The following CNTN5 variants were observed in gnomAD, a reference collection of about 807,000 sequenced individuals.
CNTN5 encodes the protein contactin 5, also known as contactin-5.
CNTN5 carries 77 observed loss-of-function variants against 129.1 expected under a neutral mutation model. That is an observed-to-expected ratio of 0.60 (90% CI 0.50 to 0.72). CNTN5 has a LOEUF of 0.72. CNTN5 is among the 30% of genes least tolerant of loss of function. CNTN5 has a pLI of 0.00. For missense variants in CNTN5, 1,478 were observed against 1,328.8 expected (o/e 1.11, Z -1.75); for synonymous variants, 509 against 465.6 (o/e 1.09, Z -1.20).
chr11:100,337,558 T>C lies in CNTN5; in HGVS notation c.2731-2905T>C, dbSNP rs1331921864. The C allele has an allele frequency of 8.1e-6, 6 of 744,286 alleles. No homozygotes were observed. In the East Asian group the frequency reaches 1.4e-4, roughly 17 times the overall value. The allele number at this position is 744,286 out of a possible 1,614,324, so 46.1% of individuals were successfully genotyped here. ...CCAGTCAAGCAAGCTGTGGATTTTC[T>C]GAGCAATGAGGGGCACGTCTATTCT... On this transcript the variant is annotated intron_variant, in intron 21 of 24. Coordinates refer to ENST00000524871, the MANE Select transcript of CNTN5 (RefSeq NM_014361.4).
At chr11:99,642,338 A>AG (rs1951800620) in intron 3 of CNTN5, among the ~76,000 whole-genome samples, 2 of 152,190 alleles carry the variant, frequency 1.3e-5, no homozygotes, top group South Asian at 4.1e-4. Flanking sequence ...CCTGTTTTTG[A>AG]AATTTTTAAT....
At chr11:100,293,362 T>G (rs1389971056) in intron 18 of CNTN5, among the ~76,000 whole-genome samples, 1 of 151,772 alleles carries the variant, frequency 6.6e-6, no homozygotes, top group Non-Finnish European at 1.5e-5. Flanking sequence ...TTGCCTAGAT[T>G]TCCAGATTGA....
intron 2 of CNTN5, among the ~76,000 whole-genome samples, chr11:99,464,475 T>C (rs1028217033): frequency 7.9e-5 from 12 of 152,290 alleles, no homozygotes; most frequent in African/African-American, 2.9e-4. Context: ...TAGTTTTAAA[T>C]ATATTTATAG....
At chr11:100,142,881 C>T (rs764999159) in intron 13 of CNTN5, among the ~76,000 whole-genome samples, 6 of 152,164 alleles carry the variant, frequency 3.9e-5, no homozygotes, top group Admixed American at 2.6e-4. Context: ...AGATTGTCCA[C>T]GTGGATGGCT....
chr11:100,331,760 G>A (rs1363106779), intron 21 of CNTN5, among the ~76,000 whole-genome samples: 4 of 151,910 alleles, frequency 2.6e-5, no homozygotes, highest in African/African-American at 9.7e-5. Context: ...AAATCAAGAT[G>A]GAAATTTAAA....
At chr11:99,464,775 A>G (rs1253942233) in intron 2 of CNTN5, among the ~76,000 whole-genome samples, 3 of 152,200 alleles carry the variant, frequency 2.0e-5, no homozygotes, top group Non-Finnish European at 4.4e-5. Context: ...AACAAATAAT[A>G]ACCTATAGGA....
chr11:100,324,793 C>T (rs1195884875), intron 21 of CNTN5, among the ~76,000 whole-genome samples: 2 of 152,126 alleles, frequency 1.3e-5, no homozygotes. Context: ...GTTTCTTCTG[C>T]ATTTTAAACT....
At chr11:99,644,079 A>T (rs1219582418) in intron 3 of CNTN5, among the ~76,000 whole-genome samples, 1 of 152,216 alleles carries the variant, frequency 6.6e-6, no homozygotes, top group Non-Finnish European at 1.5e-5. Context: ...TCACATATAA[A>T]GCTACTTACA....
chr11:99,807,802 A>T (rs1467194929), intron 3 of CNTN5, among the ~76,000 whole-genome samples: 3 of 152,232 alleles, frequency 2.0e-5, no homozygotes, highest in Non-Finnish European at 4.4e-5. Flanking sequence ...TCAAATGAAG[A>T]TAAATCCAAG....
chr11:100,255,744 T>C lies in CNTN5; in HGVS notation c.2006-16T>C. ...ATAATTTGTGCTTAACTTTATCCATTGCCTTTGACCTATAGGACCCCCAGG... is the reference window on the plus strand; with the variant it reads ...ATAATTTGTGCTTAACTTTATCCATCGCCTTTGACCTATAGGACCCCCAGG... On this transcript the variant is annotated splice_polypyrimidine_tract_variant and intron_variant, in intron 16 of 24. Coordinates refer to ENST00000524871, the MANE Select transcript of CNTN5 (RefSeq NM_014361.4). 6.2e-7 allele frequency: 1 copy of C among 1,609,512 alleles called. No homozygotes were observed. Among genetic ancestry groups the C allele is most frequent in the Non-Finnish European group, 8.5e-7 (1 of 1,176,934 alleles).
intron 3 of CNTN5, among the ~76,000 whole-genome samples, chr11:99,792,538 G>GGTGTGTGTGTGTGTGTGTGT (rs111267307): frequency 9.4e-5 from 12 of 127,834 alleles, no homozygotes; most frequent in Admixed American, 2.4e-4. Flanking sequence ...CCTGAAGAGG[G>GGTGTGTGTGTGTGTGTGTGT]GTGTGTGTGT....
At chr11:99,963,703 T>A (rs555042283) in intron 8 of CNTN5, among the ~76,000 whole-genome samples, 1 of 152,188 alleles carries the variant, frequency 6.6e-6, no homozygotes, top group Admixed American at 6.5e-5. Flanking sequence ...AGAAAGTAAT[T>A]AGTAGCTTGA....
At chr11:99,879,288 A>G (rs1948712675) in intron 6 of CNTN5, among the ~76,000 whole-genome samples, 1 of 152,148 alleles carries the variant, frequency 6.6e-6, no homozygotes, top group Non-Finnish European at 1.5e-5. Context: ...ACCTCACAAA[A>G]TCAAAGAGTA....
rs148344484 is a variant in CNTN5 at position 100,338,528 on chromosome 11, A to G, written c.2731-1935A>G. On this transcript the variant is annotated intron_variant, in intron 21 of 24. Coordinates refer to ENST00000524871, the MANE Select transcript of CNTN5 (RefSeq NM_014361.4). Reference sequence around the variant, plus strand: ...TCCACCACAGTAATTAAGTTGGGGGAAAAAAAAAGAATTACTCTCTTATGA... The same window carrying G: ...TCCACCACAGTAATTAAGTTGGGGGGAAAAAAAAGAATTACTCTCTTATGA... 9.2e-3 allele frequency among the ~76,000 whole-genome samples: 1,390 copies of G among 151,656 alleles called. 20 individuals carry two copies. Among genetic ancestry groups the G allele is most frequent in the African/African-American group, 0.032 (1,313 of 41,402 alleles).
intron 20 of CNTN5, among the ~76,000 whole-genome samples, chr11:100,304,084 C>T (rs1339199388): frequency 6.6e-6 from 1 of 151,530 alleles, no homozygotes; most frequent in Non-Finnish European, 1.5e-5. Context: ...ATGAAGAACT[C>T]CAGCTGCTAG....
chr11:99,115,968 G>C (rs1301036823), intron 1 of CNTN5, among the ~76,000 whole-genome samples: 1 of 152,074 alleles, frequency 6.6e-6, no homozygotes, highest in African/African-American at 2.4e-5. Context: ...GAGGTTTGGT[G>C]AAAAAATATG....
At chr11:99,220,334 ACTTTT>A (rs370791502) in intron 1 of CNTN5, among the ~76,000 whole-genome samples, 2 of 152,066 alleles carry the variant, frequency 1.3e-5, no homozygotes, top group African/African-American at 4.8e-5. Flanking sequence ...AAAAACACTG[ACTTTT>A]CTTTTCTCTC....
At chr11:99,793,801 A>G (rs766834690) in intron 3 of CNTN5, among the ~76,000 whole-genome samples, 1 of 152,158 alleles carries the variant, frequency 6.6e-6, no homozygotes, top group Non-Finnish European at 1.5e-5. Context: ...ATTTCAATTT[A>G]TAAAAAAATA....
intron 2 of CNTN5, among the ~76,000 whole-genome samples, chr11:99,361,121 C>G (rs979745291): frequency 5.9e-5 from 9 of 152,126 alleles, no homozygotes; most frequent in African/African-American, 2.2e-4. Context: ...TTATCTGAGA[C>G]CTCATCAAAA....
Sources: gnomAD v4.1 joint callset for allele counts (sites outside exome capture counted in the v4.1 genomes callset) on GRCh38, gnomAD v4.1.1 for gene constraint, MANE v1.5 for transcripts, NCBI Gene and HGNC (gene_info 2026-07-23, HGNC 2026-07-21) for gene names.